The following SANBR variants were observed in gnomAD, a reference collection of about 807,000 sequenced individuals.
SANBR encodes SANT and BTB domain regulator of class switch recombination.
In SANBR, 77 loss-of-function variants were observed where a neutral mutation model predicts 101.8. That is an observed-to-expected ratio of 0.76 (90% CI 0.63 to 0.91). The LOEUF is 0.91. Among genes scored for constraint, SANBR ranks in the 40% least tolerant of loss-of-function variants. The pLI is 0.00. For missense variants in SANBR, 875 were observed against 853.0 expected, an observed-to-expected ratio of 1.03 and a Z score of -0.32; for synonymous variants, 279 against 274.7, an observed-to-expected ratio of 1.02 and a Z score of -0.15.
intron 11 of SANBR, 98 bp from the exon 12 acceptor site, chr2:61,097,602 A>G (rs990112234): frequency 1.9e-5 from 18 of 942,622 alleles, no homozygotes; most frequent in Admixed American, 4.8e-5. Flanking sequence ...TGCATATTTC[A>G]TATAAAAATG....
downstream of SANBR, among the ~76,000 whole-genome samples, chr2:61,127,118 C>T (rs914930461): frequency 5.3e-5 from 8 of 152,092 alleles, no homozygotes; most frequent in East Asian, 1.9e-4. Context: ...ATCTGTATCC[C>T]GTGATAAAAT....
exon 22 of SANBR, chr2:61,137,726 A>T (rs1684893010): frequency 6.6e-6 from 1 of 151,920 alleles, no homozygotes; most frequent in Non-Finnish European, 1.5e-5. Context: ...AAGACATAAA[A>T]CATTCCAAAT....
Position 61,124,208 on chromosome 2 carries a change from A to G in SANBR, c.*2046A>G. On this transcript the variant is annotated 3_prime_UTR_variant, in exon 22 of 22. Transcript: ENST00000402291. ...CTCTTAATAGCATTTCTTTCGCCAG[A>G]TACTTTAATATTTCACCTTACATTA... 9 of 975,812 alleles carry G rather than the reference A, an allele frequency of 9.2e-6. No individual in the cohort carries two copies. The highest frequency in any genetic ancestry group is 1.1e-5 in the Non-Finnish European group (9 of 821,092). The allele number at this position is 975,812 out of a possible 1,614,324, so 60.4% of individuals were successfully genotyped here.
chr2:61,105,208 C>A (rs1483047120), intron 13 of SANBR, among the ~76,000 whole-genome samples: 1 of 152,002 alleles, frequency 6.6e-6, no homozygotes, highest in East Asian at 2.0e-4. Context: ...TGGTGAAACC[C>A]CGTCTGTACT....
chr2:61,124,312 T>C, downstream of SANBR: 2 of 926,856 alleles, frequency 2.2e-6, no homozygotes, highest in Non-Finnish European at 2.6e-6. Context: ...TCTGAATTAT[T>C]CCATCTTCTC....
At chr2:61,128,286 AG>A (rs1684575747), downstream of SANBR, among the ~76,000 whole-genome samples, 1 of 151,574 alleles carries the variant, frequency 6.6e-6, no homozygotes, top group Non-Finnish European at 1.5e-5. Flanking sequence ...AAAAAAAAAA[AG>A]AATCCTTACT....
intron 6 of SANBR, 94 bp from the exon 7 acceptor site, chr2:61,081,358 T>TTTATGTATCTAA: frequency 8.4e-7 from 1 of 1,190,560 alleles, no homozygotes; most frequent in Non-Finnish European, 1.2e-6. Context: ...TTATTCTTAT[T>TTTATGTATCTAA]CCAGTAATGT....
At position 61,071,599 on chromosome 2, in the gene SANBR, A is replaced by G. The variant is rs754087994; in HGVS notation, c.151-7A>G. On this transcript the variant is annotated splice_polypyrimidine_tract_variant and splice_region_variant and intron_variant, in intron 3 of 21. Coordinates refer to ENST00000402291, the MANE Select transcript of SANBR (RefSeq NM_001129993.3). ...ACCTCTGTTTCTTTCATTTTATATT[A>G]TGACAGTGTGCAAAAAGGTTTGATG... 14 of 1,524,672 alleles carry G rather than the reference A, an allele frequency of 9.2e-6. No homozygotes were observed. The highest frequency in any genetic ancestry group is 2.4e-5 in the Admixed American group (1 of 41,924). The allele number at this position is 1,524,672 out of a possible 1,614,324, so 94.4% of individuals were successfully genotyped here.
At chr2:61,116,669 T>C (rs528227883) in intron 17 of SANBR, among the ~76,000 whole-genome samples, 2 of 152,234 alleles carry the variant, frequency 1.3e-5, no homozygotes, top group East Asian at 3.9e-4. Flanking sequence ...TGAGTCTGGG[T>C]TAAGATCCAC....
intron 20 of SANBR, among the ~76,000 whole-genome samples, chr2:61,118,635 C>G (rs963031896): frequency 7.2e-6 from 1 of 139,160 alleles, no homozygotes; most frequent in Non-Finnish European, 1.5e-5. Flanking sequence ...CATCTCGGCT[C>G]ACTGCAACCT....
At chr2:61,081,236 A>G (rs546917570) in intron 6 of SANBR, among the ~76,000 whole-genome samples, 2 of 152,220 alleles carry the variant, frequency 1.3e-5, no homozygotes, top group African/African-American at 4.8e-5. Flanking sequence ...CTTTATATGA[A>G]TCTAACGCCA....
At chr2:61,125,758 A>T (rs1445729002), downstream of SANBR, among the ~76,000 whole-genome samples, 2 of 152,152 alleles carry the variant, frequency 1.3e-5, no homozygotes, top group Non-Finnish European at 2.9e-5. Flanking sequence ...CATGCTCCTG[A>T]TACATTCCTT....
chr2:61,078,758 G>C (rs775327108), intron 6 of SANBR, among the ~76,000 whole-genome samples: 1 of 152,098 alleles, frequency 6.6e-6, no homozygotes, highest in Non-Finnish European at 1.5e-5. Context: ...GTTATTTTAG[G>C]CAGGGCATGG....
chr2:61,108,439 A>G, intron 15 of SANBR, 90 bp downstream of exon 15: 2 of 844,870 alleles, frequency 2.4e-6, no homozygotes, highest in Non-Finnish European at 3.6e-6. Context: ...ATCTTATTTT[A>G]CAAATTTTAG....
In SANBR at chr2:61,123,860, G is replaced by C. The variant is rs183234700; in HGVS notation, c.*1698G>C. The C allele has an allele frequency of 4.5e-6, 4 of 882,488 alleles. No homozygotes were observed. In the African/African-American group the frequency reaches 7.2e-5, roughly 16 times the overall value. 54.7% of individuals were successfully genotyped at this position (882,488 alleles called of 1,614,324 possible). The stretch of plus-strand genomic sequence containing the variant: ...TAATCCCAGCACTTTGGGAGGCCGA[G>C]GCGGGCAGATCACCTGAGGTCAGGA... On this transcript the variant is annotated 3_prime_UTR_variant, in exon 22 of 22. Transcript: ENST00000402291.
At chr2:61,076,772 A>G (rs931388529) in intron 5 of SANBR, 148 bp from the exon 6 acceptor site, 1 of 627,016 alleles carries the variant, frequency 1.6e-6, no homozygotes, top group Non-Finnish European at 2.8e-6. Context: ...CTAGCAAGAC[A>G]CTTGAAAAAT....
chr2:61,117,325 A>G (rs770240066), intron 17 of SANBR, 32 bp from the exon 18 acceptor site: 1 of 1,601,630 alleles, frequency 6.2e-7, no homozygotes, highest in South Asian at 1.1e-5. Context: ...ACATGTTCTA[A>G]TTGGGCCTTA....
chr2:61,131,578 G>C (rs1329244889), intron 20 of SANBR, among the ~76,000 whole-genome samples: 1 of 152,120 alleles, frequency 6.6e-6, no homozygotes, highest in African/African-American at 2.4e-5. Flanking sequence ...TGGATCATAA[G>C]ACTTAATGTT....
At chr2:61,100,965 A>G (rs1437428411) in intron 12 of SANBR, among the ~76,000 whole-genome samples, 1 of 152,108 alleles carries the variant, frequency 6.6e-6, no homozygotes, top group Admixed American at 6.6e-5. Flanking sequence ...CCAGATGGGG[A>G]TGATGAAATT....
Sources: allele counts gnomAD v4.1 joint callset (sites outside exome capture counted in the v4.1 genomes callset), GRCh38; gene constraint gnomAD v4.1.1; transcripts MANE v1.5; gene names NCBI Gene and HGNC (gene_info 2026-07-23, HGNC 2026-07-21).